Variants in PHKB observed in about 807,000 individuals in gnomAD.
The protein encoded by PHKB is phosphorylase kinase regulatory subunit beta, also known as phosphorylase b kinase regulatory subunit beta.
PHKB carries 122 observed loss-of-function variants against 152.1 expected under a neutral mutation model. That is an observed-to-expected ratio of 0.80 (90% CI 0.69 to 0.93). The LOEUF (loss-of-function observed/expected upper bound fraction) is 0.93. Among genes scored for constraint, PHKB ranks in the 40% least tolerant of loss-of-function variants. The pLI is 0.00. For synonymous variants in PHKB, 436 were observed against 464.9 expected (o/e 0.94, Z 0.80); for missense variants, 1,304 against 1,328.4 (o/e 0.98, Z 0.29).
rs553924144 is a variant in PHKB at position 47,647,387 on chromosome 16, G to T, written c.1609-1146G>T. ...GATCCACCCACCTCAGCCTCCCAAA[G>T]TTTTGGGATTACAGGCGTGAGCCAC... On this transcript the variant is annotated intron_variant, in intron 16 of 30. Coordinates refer to ENST00000323584, the MANE Select transcript of PHKB (RefSeq NM_000293.3). 8.2e-4 allele frequency among the ~76,000 whole-genome samples: 125 copies of T among 152,188 alleles called. 1 individual carries two copies. The highest frequency in any genetic ancestry group is 6.8e-3 in the Middle Eastern group (2 of 292).
intron 7 of PHKB, among the ~76,000 whole-genome samples, chr16:47,580,050 A>G (rs1204132662): frequency 6.6e-6 from 1 of 152,114 alleles, no homozygotes; most frequent in Non-Finnish European, 1.5e-5. Context: ...ACTCCCATCA[A>G]TAGTATGACC....
chr16:47,599,793 A>G (rs1489855714), intron 13 of PHKB, among the ~76,000 whole-genome samples: 1 of 152,226 alleles, frequency 6.6e-6, no homozygotes, highest in African/African-American at 2.4e-5. Flanking sequence ...CATATTCATT[A>G]GTAGTCTAGC....
At chr16:47,565,981 A>G (rs1292192708) in intron 7 of PHKB, 2 of 783,500 alleles carry the variant, frequency 2.6e-6, no homozygotes, top group East Asian at 2.6e-5. Context: ...CTGGAGCTCT[A>G]TGACCGATCA....
chr16:47,624,575 C>G (rs1032791953), intron 14 of PHKB, among the ~76,000 whole-genome samples: 7 of 152,190 alleles, frequency 4.6e-5, no homozygotes, highest in Non-Finnish European at 1.0e-4. Flanking sequence ...AAACCTCTAT[C>G]CCCAGGCATT....
At chr16:47,601,078 A>G (rs1972216280) in intron 13 of PHKB, among the ~76,000 whole-genome samples, 1 of 152,100 alleles carries the variant, frequency 6.6e-6, no homozygotes, top group African/African-American at 2.4e-5. Flanking sequence ...CCCGCCAGCC[A>G]TGATGGTGCA....
At chr16:47,680,783 G>A (rs1973837880) in intron 26 of PHKB, among the ~76,000 whole-genome samples, 1 of 152,084 alleles carries the variant, frequency 6.6e-6, no homozygotes, top group Non-Finnish European at 1.5e-5. Context: ...GTTCTGCACT[G>A]ATTTTAGTCA....
intron 26 of PHKB, among the ~76,000 whole-genome samples, chr16:47,681,962 C>A (rs867790833): frequency 1.3e-5 from 2 of 152,140 alleles, no homozygotes; most frequent in Admixed American, 6.5e-5. Flanking sequence ...TTAGGGCAGG[C>A]CTGGTGGTGA....
chr16:47,541,453 A>G (rs747608847), intron 6 of PHKB, among the ~76,000 whole-genome samples: 4 of 152,194 alleles, frequency 2.6e-5, no homozygotes, highest in Non-Finnish European at 5.9e-5. Flanking sequence ...GCTGCAATAA[A>G]CATGTATCTG....
intron 16 of PHKB, among the ~76,000 whole-genome samples, chr16:47,642,629 A>C (rs1973044928): frequency 6.6e-6 from 1 of 152,208 alleles, no homozygotes; most frequent in Non-Finnish European, 1.5e-5. Flanking sequence ...TATAACAGAA[A>C]AATGAAGGCT....
intron 7 of PHKB, among the ~76,000 whole-genome samples, chr16:47,553,709 T>TG: frequency 6.6e-6 from 1 of 152,314 alleles, no homozygotes; most frequent in Middle Eastern, 3.4e-3. Flanking sequence ...GACCTTCAGA[T>TG]GGGGTCTCTG....
rs527397696 is a variant in PHKB, at chr16:47,601,608, G to T, written c.1363+5077G>T. On this transcript the variant is annotated intron_variant, in intron 13 of 30. Transcript: ENST00000323584. ...TAGTCCCAATTACTCAGGAGGCTGA[G>T]GCAGGAGAATCGCTTGAACCTGGGA... Among the ~76,000 whole-genome samples the T allele has an allele frequency of 4.5e-4, 68 of 152,114 alleles. 1 individual carries two copies. The highest frequency in any genetic ancestry group is 6.8e-3 in the Middle Eastern group (2 of 294).
At position 47,693,369 on chromosome 16, in the gene PHKB, T is replaced by C; in HGVS notation, c.2766-9T>C. 1.2e-6 allele frequency: 2 copies of C among 1,613,982 alleles called. No individual in the cohort carries two copies. Among genetic ancestry groups the C allele is most frequent in the Non-Finnish European group, 1.7e-6 (2 of 1,179,904 alleles). ...TCTTCAACTCTGAGACATTTGCCTT[T>C]TGTTACAGATGTTGGCTGAACAGGC... On this transcript the variant is annotated splice_polypyrimidine_tract_variant and intron_variant, in intron 27 of 30. Coordinates refer to ENST00000323584, the MANE Select transcript of PHKB (RefSeq NM_000293.3).
chr16:47,671,662 C>G (rs566541361), intron 26 of PHKB, among the ~76,000 whole-genome samples: 2 of 152,262 alleles, frequency 1.3e-5, no homozygotes, highest in African/African-American at 4.8e-5. Context: ...GCAATATCTG[C>G]ATACATCGTA....
chr16:47,515,567 C>A lies in PHKB; in HGVS notation c.560C>A (p.Ser187Tyr). ...CTCCTTTACCTTGTGGAAATGATTT[C>A]CTCAGGACTCCAGATTATCTACAAC... ...LYLLYLVEMI[S>Y]SGLQIIYNTD... Residue 187 changes from serine to tyrosine, a missense_variant, in exon 6 of 31, where the codon TCC becomes TAC. Ser to Tyr is a moderately radical substitution (Grantham distance 144). Coordinates refer to ENST00000323584, the MANE Select transcript of PHKB (RefSeq NM_000293.3). 1.3e-6 allele frequency: 2 copies of A among 1,493,182 alleles called. No individual in the cohort carries two copies. Among genetic ancestry groups the A allele is most frequent in the Non-Finnish European group, 1.9e-6 (2 of 1,070,226 alleles). 92.5% of individuals were successfully genotyped at this position (1,493,182 alleles called of 1,614,324 possible).
chr16:47,486,743 G>A (rs569942866), intron 1 of PHKB, among the ~76,000 whole-genome samples: 3 of 152,170 alleles, frequency 2.0e-5, no homozygotes, highest in Non-Finnish European at 2.9e-5. Flanking sequence ...AAAGATCTTC[G>A]GATTATGCTT....
intron 1 of PHKB, among the ~76,000 whole-genome samples, chr16:47,473,193 A>G (rs1163078527): frequency 2.5e-5 from 3 of 117,720 alleles, no homozygotes; most frequent in Non-Finnish European, 5.0e-5. Flanking sequence ...CTGGGCCTAT[A>G]GGTGTGCACT....
intron 1 of PHKB, among the ~76,000 whole-genome samples, chr16:47,492,554 G>A (rs978992728): frequency 1.3e-5 from 2 of 152,172 alleles, no homozygotes; most frequent in African/African-American, 4.8e-5. Context: ...CTGGGGGAGC[G>A]GAAGGCTCTA....
intron 8 of PHKB, among the ~76,000 whole-genome samples, chr16:47,581,836 C>G (rs924689010): frequency 6.6e-6 from 1 of 152,094 alleles, no homozygotes; most frequent in African/African-American, 2.4e-5. Context: ...GCTGCCACCA[C>G]GCCCGGCTAA....
chr16:47,546,967 A>G (rs2151672163), intron 6 of PHKB, among the ~76,000 whole-genome samples: 1 of 152,252 alleles, frequency 6.6e-6, no homozygotes, highest in East Asian at 1.9e-4. Flanking sequence ...GGAAAAGCAC[A>G]GTATTTAGGT....
Sources: allele counts gnomAD v4.1 joint callset (sites outside exome capture counted in the v4.1 genomes callset), GRCh38; gene constraint gnomAD v4.1.1; transcripts MANE v1.5; gene names NCBI Gene and HGNC (gene_info 2026-07-23, HGNC 2026-07-21).